Variants in MYLK observed in about 807,000 individuals in gnomAD.
MYLK encodes myosin light chain kinase.
A neutral mutation model predicts 203.4 loss-of-function variants in MYLK; 106 were observed. The ratio of observed to expected loss-of-function variants is 0.52; its 90% CI spans 0.45 to 0.61. The LOEUF (loss-of-function observed/expected upper bound fraction) is 0.61. Ranked by LOEUF, MYLK falls within the 20% of genes least tolerant of loss-of-function variation. The pLI is 0.00. For synonymous variants in MYLK, 867 were observed against 959.5 expected, an observed-to-expected ratio of 0.90 and a Z score of 1.78; for missense variants, 2,072 against 2,442.3, an observed-to-expected ratio of 0.85 and a Z score of 3.20.
chr3:123,646,929 T>G, intron 27 of MYLK: 8 of 455,298 alleles, frequency 1.8e-5, no homozygotes, highest in East Asian at 1.3e-4. Flanking sequence ...GGCCCTTTCA[T>G]GGGGAGATGA....
chr3:123,863,485 G>T (rs566437086), intron 2 of MYLK, among the ~76,000 whole-genome samples: 2 of 151,270 alleles, frequency 1.3e-5, no homozygotes, highest in African/African-American at 4.8e-5. Flanking sequence ...CTGGTATTCA[G>T]AATAAAAAAT....
intron 27 of MYLK, 23 bp downstream of exon 27, chr3:123,647,201 G>A (rs771802782): frequency 1.2e-5 from 19 of 1,609,960 alleles, no homozygotes; most frequent in South Asian, 7.7e-5. Context: ...TGGTGCCCAC[G>A]CTGCTGGCAG....
At chr3:123,877,657 T>C (rs1189639586) in intron 1 of MYLK, among the ~76,000 whole-genome samples, 2 of 152,200 alleles carry the variant, frequency 1.3e-5, no homozygotes, top group African/African-American at 2.4e-5. Flanking sequence ...GAGCTTTTGA[T>C]AGTAATCAGA....
intron 19 of MYLK, among the ~76,000 whole-genome samples, chr3:123,685,612 G>GAAAAAAAA (rs59215456): frequency 5.3e-5 from 6 of 112,418 alleles, no homozygotes; most frequent in African/African-American, 1.0e-4. Context: ...TCCAAAAAAT[G>GAAAAAAAA]AAAAAAAAAA....
chr3:123,639,031 C>T (rs550412593), intron 28 of MYLK: 2 of 985,484 alleles, frequency 2.0e-6, no homozygotes, highest in East Asian at 2.3e-4. Flanking sequence ...AGCCACTTCT[C>T]AGTTATCTGG....
In MYLK at chr3:123,743,769, G is replaced by A. The variant is rs184785126; in HGVS notation, c.374-3768C>T. Among the ~76,000 whole-genome samples, 35 of 152,324 alleles carry A rather than the reference G, an allele frequency of 2.3e-4. 1 individual carries two copies. Among genetic ancestry groups the A allele is most frequent in the African/African-American group, 7.9e-4 (33 of 41,568 alleles). Reference sequence around the variant, plus strand: ...AAGGTAGACCTAGCTCTGTTTGTCAGGTGATACAGAAAGACTGAATCGGGT... The same window carrying A: ...AAGGTAGACCTAGCTCTGTTTGTCAAGTGATACAGAAAGACTGAATCGGGT... On this transcript the variant is annotated intron_variant, in intron 5 of 33. Transcript: ENST00000360304.
chr3:123,675,799 G>T (rs2060054617), intron 20 of MYLK, among the ~76,000 whole-genome samples: 1 of 152,184 alleles, frequency 6.6e-6, no homozygotes, highest in African/African-American at 2.4e-5. Context: ...GGAGGTGGGG[G>T]TACCTGAGGA....
intron 30 of MYLK, 130 bp from the exon 31 acceptor site, chr3:123,627,071 T>C (rs1006300793): frequency 1.0e-5 from 10 of 988,674 alleles, no homozygotes; most frequent in Non-Finnish European, 1.6e-5. Context: ...TCCCGGACCA[T>C]CCACCGTGAT....
chr3:123,765,612 T>A (rs1425422137), intron 4 of MYLK, among the ~76,000 whole-genome samples: 1 of 151,066 alleles, frequency 6.6e-6, no homozygotes, highest in Non-Finnish European at 1.5e-5. Context: ...ATTCACAACA[T>A]CCAGATAGTG....
intron 18 of MYLK, among the ~76,000 whole-genome samples, chr3:123,695,560 A>G (rs553180651): frequency 6.6e-6 from 1 of 152,374 alleles, no homozygotes; most frequent in East Asian, 1.9e-4. Context: ...TAGTTTCTGA[A>G]AAAAGAAAAT....
chr3:123,752,886 T>G (rs145226562), intron 4 of MYLK, among the ~76,000 whole-genome samples: 1 of 152,338 alleles, frequency 6.6e-6, no homozygotes, highest in East Asian at 1.9e-4. Context: ...GGGCCAGGAC[T>G]GAGTACGGGG....
intron 13 of MYLK, among the ~76,000 whole-genome samples, chr3:123,717,568 T>G (rs1363913516): frequency 6.7e-6 from 1 of 149,520 alleles, no homozygotes; most frequent in African/African-American, 2.5e-5. Context: ...TCTAGACACT[T>G]AAGAATTTTA....
At chr3:123,709,064 G>C in intron 14 of MYLK, 169 bp from the exon 15 acceptor site, 4 of 560,306 alleles carry the variant, frequency 7.1e-6, no homozygotes, top group Non-Finnish European at 1.3e-5. Flanking sequence ...TCATGGGTTT[G>C]TTGGGAGGAC....
chr3:123,797,185 C>A (rs766210274), intron 3 of MYLK, among the ~76,000 whole-genome samples: 1 of 151,736 alleles, frequency 6.6e-6, no homozygotes, highest in African/African-American at 2.4e-5. Flanking sequence ...AAATGAGCAC[C>A]CCAAATACCT....
At chr3:123,644,340 G>A (rs2058940109) in intron 27 of MYLK, among the ~76,000 whole-genome samples, 2 of 152,204 alleles carry the variant, frequency 1.3e-5, no homozygotes, top group Non-Finnish European at 1.5e-5. Flanking sequence ...TTCTTACCAA[G>A]TTCCTACTCT....
intron 2 of MYLK, among the ~76,000 whole-genome samples, chr3:123,837,564 A>G: frequency 6.7e-6 from 1 of 148,826 alleles, no homozygotes; most frequent in Non-Finnish European, 1.5e-5. Flanking sequence ...ATTGAGATAT[A>G]ATTCATATAC....
At position 123,692,824 on chromosome 3, in the gene MYLK, T is replaced by G; in HGVS notation, c.3476A>C (p.Lys1159Thr). The change falls in exon 19 of 34, where the codon AAG becomes ACG. Residue 1159 changes from lysine (K) to threonine (T), a missense_variant. Lys to Thr is a moderately conservative substitution (Grantham distance 78). Transcript: ENST00000360304. ...TAAGCCTCTGTCCTCAGGCAGTGCC[T>G]TCTCGATGGAGACGGAGCAGAGTGA... ...EGSLCSVSIE[K>T]ALPEDRGLYK... 6.2e-7 allele frequency: 1 copy of G among 1,614,000 alleles called. No individual in the cohort carries two copies. Among genetic ancestry groups the G allele is most frequent in the Non-Finnish European group, 8.5e-7 (1 of 1,179,984 alleles).
intron 3 of MYLK, among the ~76,000 whole-genome samples, chr3:123,830,013 A>G (rs567413078): frequency 1.3e-5 from 2 of 152,286 alleles, no homozygotes; most frequent in South Asian, 4.1e-4. Flanking sequence ...CCTCACTGCA[A>G]ATGTTCCCGT....
chr3:123,775,377 G>C (rs1002928278), intron 4 of MYLK, among the ~76,000 whole-genome samples: 2 of 152,228 alleles, frequency 1.3e-5, no homozygotes, highest in Non-Finnish European at 2.9e-5. Context: ...GTTCAGGAAA[G>C]TGTGTGCATG....
Sources: allele counts gnomAD v4.1 joint callset (sites outside exome capture counted in the v4.1 genomes callset), GRCh38; gene constraint gnomAD v4.1.1; transcripts MANE v1.5; gene names NCBI Gene and HGNC (gene_info 2026-07-23, HGNC 2026-07-21).